The following LATS2 variants were observed in gnomAD, a reference collection of about 807,000 sequenced individuals.
LATS2 encodes serine/threonine-protein kinase LATS2.
LATS2 carries 24 observed loss-of-function variants against 76.0 expected under a neutral mutation model. That is an observed-to-expected ratio of 0.32 (90% CI 0.23 to 0.44). The LOEUF is 0.44. Ranked by LOEUF, LATS2 falls within the 20% of genes least tolerant of loss-of-function variation. The pLI is 1.00. For missense variants in LATS2, 1,286 were observed against 1,481.2 expected, an observed-to-expected ratio of 0.87 and a Z score of 2.16; for synonymous variants, 692 against 635.4, an observed-to-expected ratio of 1.09 and a Z score of -1.34.
At chr13:21,033,215 C>T (rs1321222854) in intron 2 of LATS2, among the ~76,000 whole-genome samples, 1 of 151,342 alleles carries the variant, frequency 6.6e-6, no homozygotes, top group African/African-American at 2.4e-5. Context: ...AAGCTAGGAA[C>T]CTTTGTTAGA....
chr13:20,981,764 C>T lies in LATS2; in HGVS notation c.2483-116G>A. The T allele has an allele frequency of 3.6e-6, 3 of 843,156 alleles. No individual in the cohort carries two copies. In the African/African-American group the frequency reaches 5.1e-5, roughly 14 times the overall value. 52.2% of individuals were successfully genotyped at this position (843,156 alleles called of 1,614,324 possible). On this transcript the variant is annotated intron_variant, in intron 5 of 7. Transcript: ENST00000382592. ...AACAGCAAAGTCATTCCAATCAGCT[C>T]CTGACATATCAGGACAGAGAATCCC...
At chr13:20,999,602 G>A (rs950724162) in intron 2 of LATS2, among the ~76,000 whole-genome samples, 1 of 151,952 alleles carries the variant, frequency 6.6e-6, no homozygotes, top group Non-Finnish European at 1.5e-5. Flanking sequence ...CTGTAGTCAG[G>A]AGCCAGTATG....
chr13:21,039,662 G>A (rs1872798991), intron 2 of LATS2, among the ~76,000 whole-genome samples: 1 of 152,192 alleles, frequency 6.6e-6, no homozygotes, highest in African/African-American at 2.4e-5. Context: ...GGCACAGAGG[G>A]ATAAACTCCC....
intron 2 of LATS2, among the ~76,000 whole-genome samples, chr13:21,043,086 C>T (rs1414075952): frequency 6.6e-6 from 1 of 152,122 alleles, no homozygotes; most frequent in African/African-American, 2.4e-5. Context: ...GTAATCCCAG[C>T]ACCTTGGGAG....
At chr13:21,042,917 G>C (rs1420277043) in intron 2 of LATS2, among the ~76,000 whole-genome samples, 1 of 151,616 alleles carries the variant, frequency 6.6e-6, no homozygotes, top group African/African-American at 2.4e-5. Flanking sequence ...CTGGGAGGCA[G>C]AAGTTGCAGT....
At chr13:21,043,199 G>A (rs371793780) in intron 2 of LATS2, among the ~76,000 whole-genome samples, 82 of 151,912 alleles carry the variant, frequency 5.4e-4, no homozygotes, top group Middle Eastern at 3.4e-3. Flanking sequence ...TTAGCCAGGC[G>A]TGGTGTTGCG....
chr13:21,018,924 G>A (rs1316187082), intron 2 of LATS2, among the ~76,000 whole-genome samples: 1 of 152,152 alleles, frequency 6.6e-6, no homozygotes, highest in African/African-American at 2.4e-5. Context: ...GGGATTACAG[G>A]TGTGAGCCAC....
At chr13:21,044,351 G>A (rs1595254463) in intron 2 of LATS2, among the ~76,000 whole-genome samples, 4 of 152,278 alleles carry the variant, frequency 2.6e-5, no homozygotes, top group African/African-American at 9.6e-5. Context: ...GCAACACCAG[G>A]AGTATGTAAT....
intron 2 of LATS2, among the ~76,000 whole-genome samples, chr13:20,999,186 T>G (rs1347995296): frequency 6.6e-6 from 1 of 152,216 alleles, no homozygotes; most frequent in East Asian, 1.9e-4. Context: ...TCTGTGTGCT[T>G]GAAGAAAATG....
chr13:20,986,422 G>A (rs533606003), intron 4 of LATS2, among the ~76,000 whole-genome samples: 3 of 152,314 alleles, frequency 2.0e-5, no homozygotes, highest in East Asian at 1.9e-4. Context: ...TGTACACCAT[G>A]GGATACTATT....
intron 2 of LATS2, among the ~76,000 whole-genome samples, chr13:21,014,611 C>A (rs186709546): frequency 6.6e-6 from 1 of 152,296 alleles, no homozygotes; most frequent in Admixed American, 6.5e-5. Flanking sequence ...GCTGACCATC[C>A]ATGCAGCAAC....
In LATS2 at chr13:20,973,893, C is replaced by T. The variant is rs1279241460; in HGVS notation, c.*977G>A. The T allele has an allele frequency of 4.5e-6, 1 of 222,906 alleles. No individual in the cohort carries two copies. Among genetic ancestry groups the T allele is most frequent in the Non-Finnish European group, 8.9e-6 (1 of 112,104 alleles). The allele number at this position is 222,906 out of a possible 1,614,324, so 13.8% of individuals were successfully genotyped here. A position where few individuals can be genotyped will look rare whatever the true frequency, so the allele number is the denominator to read the frequency against. On this transcript the variant is annotated 3_prime_UTR_variant, in exon 8 of 8. Transcript: ENST00000382592. The stretch of plus-strand genomic sequence containing the variant: ...ACGGACTACAGAAACGGACATGTGT[C>T]CGTGATTAAACTTTTTGGCATCGCT...
At chr13:21,011,427 T>A (rs535515052) in intron 2 of LATS2, among the ~76,000 whole-genome samples, 1 of 152,226 alleles carries the variant, frequency 6.6e-6, no homozygotes, top group Non-Finnish European at 1.5e-5. Flanking sequence ...GTTTTTAAAC[T>A]GGTCACTGTA....
At chr13:20,980,414 C>A (rs1445942888) in intron 6 of LATS2, among the ~76,000 whole-genome samples, 1 of 152,172 alleles carries the variant, frequency 6.6e-6, no homozygotes, top group Non-Finnish European at 1.5e-5. Flanking sequence ...TCCTTCAGAG[C>A]CTCATGACCC....
chr13:21,023,093 G>C (rs1376203422), intron 2 of LATS2: 1 of 152,204 alleles, frequency 6.6e-6, no homozygotes, highest in African/African-American at 2.4e-5. Flanking sequence ...AGTGTCGCTC[G>C]AGCCGGGGAC....
rs866451799 is a variant in LATS2, at chr13:20,989,151, G to A, written c.629C>T (p.Pro210Leu). 1.2e-6 allele frequency: 2 copies of A among 1,612,212 alleles called. No individual in the cohort carries two copies. Among genetic ancestry groups the A allele is most frequent in the Admixed American group, 1.7e-5 (1 of 59,968 alleles). The change falls in exon 4 of 8, where the codon CCG becomes CTG. Residue 210 changes from proline to leucine, a missense_variant. By Grantham distance (98) the Pro-to-Leu change is moderately conservative. Around this residue, in one of 5 missense-constraint regions of LATS2, gnomAD observed 710 missense variants for 660.9 expected, o/e 1.07. Transcript: ENST00000382592. ...GPTALEEMPR[P>L]YVDYLFPGVG... Reference sequence around the variant, plus strand: ...TCCGGGGAAAAGGTAGTCCACGTACGGCCGCGGCATCTCCTCCAGCGCCGT... The same window carrying A: ...TCCGGGGAAAAGGTAGTCCACGTACAGCCGCGGCATCTCCTCCAGCGCCGT...
chr13:21,028,264 A>C (rs1007422208), intron 2 of LATS2, among the ~76,000 whole-genome samples: 6 of 152,212 alleles, frequency 3.9e-5, no homozygotes, highest in African/African-American at 1.4e-4. Flanking sequence ...TGAACTCATC[A>C]TTTTTTATGG....
chr13:21,055,800 C>A (rs1367216173), intron 1 of LATS2, among the ~76,000 whole-genome samples: 1 of 152,192 alleles, frequency 6.6e-6, no homozygotes, highest in Non-Finnish European at 1.5e-5. Flanking sequence ...TAAATCATAT[C>A]CCTACTATAA....
intron 1 of LATS2, among the ~76,000 whole-genome samples, chr13:21,052,773 GTGCCTGCAGC>G (rs11279701): frequency 0.077 from 11,654 of 152,196 alleles, 481 homozygotes; most frequent in Middle Eastern, 0.11. Context: ...TCTCTGAAAC[GTGCCTGCAGC>G]CAGGTGCCAG....
Sources: allele counts gnomAD v4.1 joint callset (sites outside exome capture counted in the v4.1 genomes callset), GRCh38; gene constraint gnomAD v4.1.1; regional missense constraint gnomAD v4.1.1; transcripts MANE v1.5; gene names NCBI Gene and HGNC (gene_info 2026-07-23, HGNC 2026-07-21).